CAMK4: variants seen among roughly 807,000 people sequenced by gnomAD.
CAMK4 encodes calcium/calmodulin dependent protein kinase IV, also known as calcium/calmodulin-dependent protein kinase type IV.
Under a neutral mutation model 44.9 loss-of-function variants are expected in CAMK4, and 22 were observed. The observed-to-expected ratio is 0.49, with a 90% CI of 0.35 to 0.70. The LOEUF (loss-of-function observed/expected upper bound fraction) is 0.70, where lower values mean the gene tolerates loss of function less well. Among genes scored for constraint, CAMK4 ranks in the 30% least tolerant of loss-of-function variants. The pLI, the probability that CAMK4 is intolerant of heterozygous loss-of-function variation, is 0.01. For synonymous variants in CAMK4, 218 were observed against 215.4 expected (o/e 1.01, Z -0.11); for missense variants, 498 against 586.8 (o/e 0.85, Z 1.56).
At chr5:111,269,295 A>G (rs1230262508) in intron 1 of CAMK4, among the ~76,000 whole-genome samples, 1 of 152,206 alleles carries the variant, frequency 6.6e-6, no homozygotes, top group Admixed American at 6.5e-5. Flanking sequence ...ATGGTATCAC[A>G]TTATCTTCTA....
Position 111,482,992 on chromosome 5 carries a change from A to G in CAMK4, c.981+55A>G, listed in dbSNP as rs1383551771. The G allele has an allele frequency of 1.4e-6, 2 of 1,402,984 alleles. No homozygotes were observed. Among genetic ancestry groups the G allele is most frequent in the African/African-American group, 2.9e-5 (2 of 68,574 alleles). 86.9% of individuals were successfully genotyped at this position (1,402,984 alleles called of 1,614,324 possible). On this transcript the variant is annotated intron_variant, in intron 10 of 10. Coordinates refer to ENST00000282356, the MANE Select transcript of CAMK4 (RefSeq NM_001744.6). This position sits in a 1 kb window ranked among gnomAD's most constrained non-coding sequence, Gnocchi z 4.9. ...GTTTTGTTTTCAAAAAATTTATCTC[A>G]TCTTGATCTATCAATAATAGTTCTA...
chr5:111,255,490 T>G (rs932139933), intron 1 of CAMK4, among the ~76,000 whole-genome samples: 1 of 152,222 alleles, frequency 6.6e-6, no homozygotes, highest in Non-Finnish European at 1.5e-5. Context: ...ACCGAACTGT[T>G]TATCTTTGCT....
At chr5:111,315,137 G>T (rs1303275989) in intron 1 of CAMK4, among the ~76,000 whole-genome samples, 2 of 152,084 alleles carry the variant, frequency 1.3e-5, no homozygotes, top group Admixed American at 1.3e-4. Context: ...GCATTTGGAT[G>T]TGCTTTTGGC....
intron 1 of CAMK4, among the ~76,000 whole-genome samples, chr5:111,276,602 GT>G (rs1042032206): frequency 6.6e-6 from 1 of 151,800 alleles, no homozygotes; most frequent in South Asian, 2.1e-4. Flanking sequence ...ATCTAAAAAA[GT>G]TTTTTTTATA....
chr5:111,461,980 C>T (rs1754660639), intron 7 of CAMK4, among the ~76,000 whole-genome samples: 1 of 152,156 alleles, frequency 6.6e-6, no homozygotes. Context: ...AAACAAGACC[C>T]CTGACCTACT....
At chr5:111,360,308 A>G (rs1561438180) in intron 2 of CAMK4, among the ~76,000 whole-genome samples, 1 of 152,052 alleles carries the variant, frequency 6.6e-6, no homozygotes, top group Non-Finnish European at 1.5e-5. Context: ...TAGATAACCC[A>G]GGGAAGCGTG....
intron 1 of CAMK4, among the ~76,000 whole-genome samples, chr5:111,233,774 C>T (rs916720136): frequency 2.0e-5 from 3 of 152,076 alleles, no homozygotes; most frequent in Non-Finnish European, 4.4e-5. Context: ...TAATTAAGGT[C>T]ATTTAAATGA....
chr5:111,233,009 T>C (rs1748548759), intron 1 of CAMK4, among the ~76,000 whole-genome samples: 1 of 152,212 alleles, frequency 6.6e-6, no homozygotes, highest in Admixed American at 6.5e-5. Flanking sequence ...GACATGTCAT[T>C]TATGACAGTA....
At chr5:111,327,579 GCCACACTGACTT>G (rs1190099698) in intron 1 of CAMK4, among the ~76,000 whole-genome samples, 1 of 149,794 alleles carries the variant, frequency 6.7e-6, no homozygotes, top group Non-Finnish European at 1.5e-5. Context: ...CTGAGGAATC[GCCACACTGACTT>G]CCACAATGGT....
intron 1 of CAMK4, among the ~76,000 whole-genome samples, chr5:111,255,239 CTT>C (rs777556277): frequency 2.0e-5 from 3 of 152,164 alleles, no homozygotes; most frequent in Non-Finnish European, 4.4e-5. Flanking sequence ...TTATAAATAA[CTT>C]TGGTCTGCCC....
intron 2 of CAMK4, among the ~76,000 whole-genome samples, chr5:111,351,719 G>A (rs575312832): frequency 6.6e-6 from 1 of 151,766 alleles, no homozygotes; most frequent in Non-Finnish European, 1.5e-5. Context: ...GCCACAACTT[G>A]GAATTTTAAG....
chr5:111,425,770 A>G (rs752128825), intron 5 of CAMK4, among the ~76,000 whole-genome samples: 2 of 152,214 alleles, frequency 1.3e-5, no homozygotes, highest in Non-Finnish European at 2.9e-5. Flanking sequence ...TGAAATTTTC[A>G]TGTGATGAAC....
At chr5:111,456,543 C>T (rs1014440382) in intron 7 of CAMK4, among the ~76,000 whole-genome samples, 3 of 151,908 alleles carry the variant, frequency 2.0e-5, no homozygotes, top group Non-Finnish European at 4.4e-5. Flanking sequence ...ATTTAAATGA[C>T]ATTGATGGTT....
Position 111,398,211 on chromosome 5 carries a change from G to A in CAMK4, c.459+3429G>A, listed in dbSNP as rs1414230386. Among the ~76,000 whole-genome samples the A allele has an allele frequency of 2.6e-5, 4 of 152,226 alleles. No homozygotes were observed. The East Asian group carries it at 7.7e-4, about 29-fold the overall frequency. On this transcript the variant is annotated intron_variant, in intron 5 of 10. Coordinates refer to ENST00000282356, the MANE Select transcript of CAMK4 (RefSeq NM_001744.6). Reference sequence around the variant, plus strand: ...CATATTAAAGTAAAAACCTAAATCTGACTCAAAATGAACACAAATATCGTT... The same window carrying A: ...CATATTAAAGTAAAAACCTAAATCTAACTCAAAATGAACACAAATATCGTT...
At chr5:111,263,360 G>A (rs761853280) in intron 1 of CAMK4, among the ~76,000 whole-genome samples, 7 of 152,196 alleles carry the variant, frequency 4.6e-5, no homozygotes, top group African/African-American at 1.7e-4. Context: ...TTGGGTCAGG[G>A]CTCTGACTGA....
chr5:111,429,476 C>T (rs949038729), intron 5 of CAMK4, among the ~76,000 whole-genome samples: 6 of 149,994 alleles, frequency 4.0e-5, no homozygotes, highest in African/African-American at 1.3e-4. Flanking sequence ...GTAATGAAAT[C>T]GAAGCCATGG....
At chr5:111,424,094 G>T (rs181874007) in intron 5 of CAMK4, among the ~76,000 whole-genome samples, 2 of 152,178 alleles carry the variant, frequency 1.3e-5, no homozygotes, top group Non-Finnish European at 2.9e-5. Flanking sequence ...CCACTACTAT[G>T]CCCTGCTATA....
intron 5 of CAMK4, among the ~76,000 whole-genome samples, chr5:111,396,355 A>G (rs140664570): frequency 2.2e-4 from 34 of 152,196 alleles, no homozygotes; most frequent in African/African-American, 7.7e-4. Flanking sequence ...TAAATACTGA[A>G]TATCAAATTC....
chr5:111,276,983 G>C (rs986977321), intron 1 of CAMK4, among the ~76,000 whole-genome samples: 4 of 152,120 alleles, frequency 2.6e-5, no homozygotes, highest in African/African-American at 9.7e-5. Flanking sequence ...CTTTGCCACA[G>C]ATAGTATCTT....
Sources: gnomAD v4.1 joint callset for allele counts (sites outside exome capture counted in the v4.1 genomes callset) on GRCh38, gnomAD v4.1.1 for gene constraint, Gnocchi (gnomAD v3.1) non-coding constraint, MANE v1.5 for transcripts, NCBI Gene and HGNC (gene_info 2026-07-23, HGNC 2026-07-21) for gene names.